Variants in ATP8A2 observed in about 807,000 individuals in gnomAD.
ATP8A2 encodes the protein phospholipid-transporting ATPase IB.
In ATP8A2, 100 loss-of-function variants were observed where a neutral mutation model predicts 165.6. That is an observed-to-expected ratio of 0.60 (90% CI 0.51 to 0.71). ATP8A2 has a LOEUF of 0.71. ATP8A2 is among the 30% of genes least tolerant of loss of function. The probability of loss-of-function intolerance (pLI) is 0.00; values close to 1 mark genes in which losing one functional copy is unlikely to be tolerated. For synonymous variants in ATP8A2, 543 were observed against 548.8 expected, an observed-to-expected ratio of 0.99 and a Z score of 0.15; for missense variants, 1,227 against 1,479.5, an observed-to-expected ratio of 0.83 and a Z score of 2.80.
chr13:25,447,031 T>A (rs867887555), intron 1 of ATP8A2, among the ~76,000 whole-genome samples: 29 of 152,290 alleles, frequency 1.9e-4, no homozygotes, highest in African/African-American at 5.8e-4. Context: ...TTAAACCTAG[T>A]TCTAAACAAC....
Position 26,007,865 on chromosome 13 carries a change from A to G in ATP8A2, c.3378-4666A>G, listed in dbSNP as rs535449825. The stretch of plus-strand genomic sequence containing the variant: ...CCCATGTGAGATATAACAGAACCCT[A>G]TGCATAAAGTTGCAAATTTTGTAGG... On this transcript the variant is annotated intron_variant, in intron 35 of 36. Coordinates refer to ENST00000381655, the MANE Select transcript of ATP8A2 (RefSeq NM_016529.6). Among the ~76,000 whole-genome samples, 280 of 152,298 alleles carry G rather than the reference A, an allele frequency of 1.8e-3. 3 individuals carry two copies. Among genetic ancestry groups the G allele is most frequent in the African/African-American group, 6.5e-3 (269 of 41,550 alleles).
Position 26,025,819 on chromosome 13 carries a change from A to G in ATP8A2, c.*5834A>G, listed in dbSNP as rs529379428. The G allele has an allele frequency of 6.6e-6, 1 of 152,290 alleles. No homozygotes were observed. Among genetic ancestry groups the G allele is most frequent in the African/African-American group, 2.4e-5 (1 of 41,544 alleles). 9.4% of individuals were successfully genotyped at this position (152,290 alleles called of 1,614,324 possible). A position where few individuals can be genotyped will look rare whatever the true frequency, so the allele number is the denominator to read the frequency against. Reference sequence around the variant, plus strand: ...CTGTTGACTGGTGTATGTCTGCGCAAACCTGTTTCAAATAAATCTTTTGTT... The same window carrying G: ...CTGTTGACTGGTGTATGTCTGCGCAGACCTGTTTCAAATAAATCTTTTGTT... On this transcript the variant is annotated 3_prime_UTR_variant, in exon 37 of 37. Transcript: ENST00000381655.
At chr13:25,439,033 T>A (rs553165778) in intron 1 of ATP8A2, among the ~76,000 whole-genome samples, 1 of 152,348 alleles carries the variant, frequency 6.6e-6, no homozygotes, top group Admixed American at 6.5e-5. Context: ...GGAGATAAAT[T>A]CTGCTCCAGA....
At chr13:25,693,464 A>AT (rs2042770953) in intron 24 of ATP8A2, among the ~76,000 whole-genome samples, 1 of 152,124 alleles carries the variant, frequency 6.6e-6, no homozygotes, top group Admixed American at 6.5e-5. Flanking sequence ...ATGGACCTGG[A>AT]GGGCTCTTAG....
At chr13:25,865,842 A>G (rs1952494059) in intron 33 of ATP8A2, among the ~76,000 whole-genome samples, 1 of 152,196 alleles carries the variant, frequency 6.6e-6, no homozygotes, top group South Asian at 2.1e-4. Flanking sequence ...GCTTGGATTT[A>G]TAGTAATAAA....
At chr13:25,866,578 A>G (rs1952513848) in intron 33 of ATP8A2, among the ~76,000 whole-genome samples, 1 of 151,962 alleles carries the variant, frequency 6.6e-6, no homozygotes, top group South Asian at 2.1e-4. Flanking sequence ...GACAACCCCC[A>G]CCCCCCAAAA....
intron 33 of ATP8A2, among the ~76,000 whole-genome samples, chr13:25,903,506 T>A (rs1953830997): frequency 6.6e-6 from 1 of 152,244 alleles, no homozygotes. Flanking sequence ...TTCATTCCTC[T>A]GTTCAGAAAC....
At chr13:25,666,990 T>C (rs2042167686) in intron 24 of ATP8A2, among the ~76,000 whole-genome samples, 1 of 152,228 alleles carries the variant, frequency 6.6e-6, no homozygotes, top group Non-Finnish European at 1.5e-5. Flanking sequence ...CTTTTTGTTA[T>C]GGAGGTAAAA....
chr13:25,674,093 A>G (rs1384392736), intron 24 of ATP8A2, among the ~76,000 whole-genome samples: 1 of 152,280 alleles, frequency 6.6e-6, no homozygotes, highest in East Asian at 1.9e-4. Context: ...TCTAGGAAAT[A>G]TTGTGGTGTT....
At chr13:25,653,871 G>A (rs189550254) in intron 24 of ATP8A2, among the ~76,000 whole-genome samples, 74 of 152,240 alleles carry the variant, frequency 4.9e-4, no homozygotes, top group South Asian at 1.2e-3. Context: ...TAGAGGGTAA[G>A]GGTTAGCTTT....
At chr13:25,897,160 A>G (rs1367683595) in intron 33 of ATP8A2, among the ~76,000 whole-genome samples, 1 of 152,164 alleles carries the variant, frequency 6.6e-6, no homozygotes, top group Admixed American at 6.5e-5. Context: ...ATGTTTTTGC[A>G]GTGGCTGGTA....
intron 24 of ATP8A2, among the ~76,000 whole-genome samples, chr13:25,682,460 G>A (rs1269434313): frequency 2.0e-5 from 3 of 152,184 alleles, no homozygotes; most frequent in African/African-American, 7.2e-5. Flanking sequence ...ATTGGCCACA[G>A]TTCTCCTCAT....
intron 24 of ATP8A2, among the ~76,000 whole-genome samples, chr13:25,684,065 G>A (rs977857140): frequency 6.6e-6 from 1 of 152,196 alleles, no homozygotes; most frequent in Admixed American, 6.5e-5. Context: ...AAAGGTTTGA[G>A]AGGAAACAAA....
chr13:25,390,320 G>A lies in ATP8A2; in HGVS notation c.76+18032G>A, dbSNP rs182645130. Among the ~76,000 whole-genome samples the A allele has an allele frequency of 2.2e-3, 340 of 152,202 alleles. 3 individuals are homozygous for A. The highest frequency in any genetic ancestry group is 7.2e-3 in the African/African-American group (298 of 41,538). On this transcript the variant is annotated intron_variant, in intron 1 of 36. Transcript: ENST00000381655. The stretch of plus-strand genomic sequence containing the variant: ...ATTTTTTTGGCTTTTTAAAAGTCAA[G>A]GTTATTAAGATATAATTTACACACA...
intron 33 of ATP8A2, among the ~76,000 whole-genome samples, chr13:25,947,148 G>A (rs77054840): frequency 0.013 from 1,968 of 152,292 alleles, 31 homozygotes; most frequent in East Asian, 0.06. Flanking sequence ...CTTGACATAA[G>A]TACCCACGCA....
chr13:25,935,540 A>G (rs772980365), intron 33 of ATP8A2, among the ~76,000 whole-genome samples: 52 of 152,358 alleles, frequency 3.4e-4, no homozygotes, highest in Non-Finnish European at 6.9e-4. Context: ...AACAAGAAGC[A>G]TGGTACCAGC....
At chr13:25,445,791 G>T (rs1293521700) in intron 1 of ATP8A2, among the ~76,000 whole-genome samples, 1 of 152,106 alleles carries the variant, frequency 6.6e-6, no homozygotes, top group African/African-American at 2.4e-5. Context: ...TGGTGGATTA[G>T]CGAAGACCAA....
At chr13:25,402,401 C>A (rs1566106986) in intron 1 of ATP8A2, among the ~76,000 whole-genome samples, 1 of 152,200 alleles carries the variant, frequency 6.6e-6, no homozygotes, top group Non-Finnish European at 1.5e-5. Flanking sequence ...CTTGGCCCTG[C>A]GTGTGTTAGG....
intron 19 of ATP8A2, 23 bp from the exon 20 acceptor site, chr13:25,577,046 C>CTT (rs746644306): frequency 7.0e-5 from 86 of 1,224,296 alleles, no homozygotes; most frequent in South Asian, 1.0e-4. Flanking sequence ...CCAATGATGA[C>CTT]TTTTTTTTTT....
Sources: allele counts gnomAD v4.1 joint callset (sites outside exome capture counted in the v4.1 genomes callset), GRCh38; gene constraint gnomAD v4.1.1; transcripts MANE v1.5; gene names NCBI Gene and HGNC (gene_info 2026-07-23, HGNC 2026-07-21).